Variants in FAF1 observed in about 807,000 individuals in gnomAD.
The protein encoded by FAF1 is Fas associated factor 1, also known as FAS-associated factor 1.
Under a neutral mutation model 92.5 loss-of-function variants are expected in FAF1, and 25 were observed. The ratio of observed to expected loss-of-function variants is 0.27; its 90% CI spans 0.20 to 0.38. The LOEUF (loss-of-function observed/expected upper bound fraction) is 0.38. FAF1 is among the 10% of genes least tolerant of loss of function. The probability of loss-of-function intolerance (pLI) is 1.00; values close to 1 mark genes in which losing one functional copy is unlikely to be tolerated. For missense variants in FAF1, 636 were observed against 793.3 expected, an observed-to-expected ratio of 0.80 and a Z score of 2.38; for synonymous variants, 234 against 273.2, an observed-to-expected ratio of 0.86 and a Z score of 1.42.
intron 3 of FAF1, among the ~76,000 whole-genome samples, chr1:50,801,165 G>C (rs549362529): frequency 2.0e-5 from 3 of 152,172 alleles, no homozygotes; most frequent in Non-Finnish European, 4.4e-5. Flanking sequence ...GTACTCTGAA[G>C]AGTTGCATTA....
At chr1:50,718,042 C>T (rs904976664) in intron 6 of FAF1, among the ~76,000 whole-genome samples, 4 of 147,256 alleles carry the variant, frequency 2.7e-5, no homozygotes, top group Non-Finnish European at 6.0e-5. Flanking sequence ...TTTATTGAGA[C>T]GGAGTCTCGC....
At chr1:50,817,968 T>C (rs560503387) in intron 2 of FAF1, among the ~76,000 whole-genome samples, 1 of 152,228 alleles carries the variant, frequency 6.6e-6, no homozygotes, top group South Asian at 2.1e-4. Context: ...TCCACATATA[T>C]GAAAACTCTA....
intron 7 of FAF1, among the ~76,000 whole-genome samples, chr1:50,667,945 A>G (rs902302815): frequency 5.9e-5 from 9 of 152,166 alleles, no homozygotes; most frequent in African/African-American, 2.2e-4. Context: ...TGTGATGTTT[A>G]TGTTTGCTTT....
At chr1:50,597,315 T>C (rs540911461) in intron 8 of FAF1, among the ~76,000 whole-genome samples, 1 of 152,208 alleles carries the variant, frequency 6.6e-6, no homozygotes, top group East Asian at 1.9e-4. Flanking sequence ...TATTCTGGGG[T>C]CTTTCTAAGT....
intron 9 of FAF1, among the ~76,000 whole-genome samples, chr1:50,587,966 C>T (rs375322293): frequency 6.6e-6 from 1 of 152,138 alleles, no homozygotes; most frequent in Admixed American, 6.5e-5. Context: ...CACCAACTAC[C>T]TATTATGTCA....
At chr1:50,872,219 A>G (rs974403372) in intron 1 of FAF1, among the ~76,000 whole-genome samples, 3 of 152,234 alleles carry the variant, frequency 2.0e-5, no homozygotes. Flanking sequence ...TCATGGGAAG[A>G]GGTCAAAATA....
At chr1:50,844,950 A>G (rs1333750392) in intron 2 of FAF1, among the ~76,000 whole-genome samples, 1 of 152,176 alleles carries the variant, frequency 6.6e-6, no homozygotes, top group Non-Finnish European at 1.5e-5. Flanking sequence ...AAAGAAAAAT[A>G]AAGGTTTAAT....
intron 2 of FAF1, among the ~76,000 whole-genome samples, chr1:50,824,329 C>A (rs545637065): frequency 6.6e-6 from 1 of 152,242 alleles, no homozygotes; most frequent in East Asian, 1.9e-4. Context: ...CATCCTCTCT[C>A]AATTTTTACT....
At chr1:50,629,161 C>CTTTTT (rs759732173) in intron 8 of FAF1, among the ~76,000 whole-genome samples, 16 of 110,714 alleles carry the variant, frequency 1.4e-4, no homozygotes, top group East Asian at 2.6e-4. Context: ...CAGATAGATG[C>CTTTTT]TTTTTTTTTT....
At chr1:50,848,317 G>A (rs919359485) in intron 2 of FAF1, among the ~76,000 whole-genome samples, 4 of 152,146 alleles carry the variant, frequency 2.6e-5, no homozygotes, top group Admixed American at 1.3e-4. Context: ...AAAAAAGTGC[G>A]AGAAGAATTG....
intron 8 of FAF1, among the ~76,000 whole-genome samples, chr1:50,637,179 T>C (rs769886659): frequency 6.0e-5 from 9 of 149,656 alleles, no homozygotes; most frequent in Admixed American, 6.7e-5. Flanking sequence ...CTCACATCTG[T>C]AATCCCAGCA....
intron 1 of FAF1, among the ~76,000 whole-genome samples, chr1:50,886,312 T>C (rs953631474): frequency 1.3e-5 from 2 of 152,190 alleles, no homozygotes; most frequent in African/African-American, 4.8e-5. Flanking sequence ...AAAGTATTTC[T>C]CCTCATGTTT....
intron 7 of FAF1, among the ~76,000 whole-genome samples, chr1:50,686,853 G>GCAC (rs1219871498): frequency 6.6e-6 from 1 of 151,888 alleles, no homozygotes; most frequent in Admixed American, 6.6e-5. Flanking sequence ...TTTTTACACA[G>GCAC]CACCACATTC....
intron 14 of FAF1, among the ~76,000 whole-genome samples, chr1:50,537,667 GTT>G (rs1648555374): frequency 6.6e-6 from 1 of 152,050 alleles, no homozygotes; most frequent in Non-Finnish European, 1.5e-5. Flanking sequence ...AAAAGAAAAA[GTT>G]TAGTGAGAAG....
At chr1:50,762,008 A>T (rs1660348080) in intron 4 of FAF1, among the ~76,000 whole-genome samples, 1 of 152,192 alleles carries the variant, frequency 6.6e-6, no homozygotes, top group African/African-American at 2.4e-5. Flanking sequence ...ATACAAAATC[A>T]ATGTACAAAA....
chr1:50,576,640 C>G (rs532028455), intron 12 of FAF1, among the ~76,000 whole-genome samples: 12 of 151,122 alleles, frequency 7.9e-5, no homozygotes, highest in South Asian at 6.4e-4. Flanking sequence ...ACCGCCCCCC[C>G]CCCGCCACCA....
intron 1 of FAF1, among the ~76,000 whole-genome samples, chr1:50,905,223 T>A (rs1023919224): frequency 6.6e-6 from 1 of 152,200 alleles, no homozygotes; most frequent in Non-Finnish European, 1.5e-5. Flanking sequence ...AACTCATCCA[T>A]TTTTATGGCT....
Position 50,512,162 on chromosome 1 carries a change from C to T in FAF1, c.1495-20361G>A, listed in dbSNP as rs1647144847. On this transcript the variant is annotated intron_variant, in intron 15 of 18. Transcript: ENST00000396153. ...AGCCCTTTGTCAGATGGACAGATTG[C>T]AAAAATTTTCTCCCATTCTGTAGGT... Among the ~76,000 whole-genome samples the T allele has an allele frequency of 2.0e-5, 3 of 152,152 alleles. No homozygotes were observed. In the South Asian group the frequency reaches 6.2e-4, roughly 32 times the overall value.
chr1:50,938,650 G>A (rs913606829), intron 1 of FAF1, among the ~76,000 whole-genome samples: 13 of 152,124 alleles, frequency 8.5e-5, no homozygotes, highest in South Asian at 2.1e-4. Flanking sequence ...AATTCTTTGC[G>A]AAGGCCAATA....
Sources: gnomAD v4.1 joint callset for allele counts (sites outside exome capture counted in the v4.1 genomes callset) on GRCh38, gnomAD v4.1.1 for gene constraint, MANE v1.5 for transcripts, NCBI Gene and HGNC (gene_info 2026-07-23, HGNC 2026-07-21) for gene names.